The following CRYBG1 variants were observed in gnomAD, a reference collection of about 807,000 sequenced individuals.
CRYBG1 encodes beta/gamma crystallin domain-containing protein 1.
A neutral mutation model predicts 189.2 loss-of-function variants in CRYBG1; 139 were observed. The observed-to-expected ratio is 0.73, with a 90% CI of 0.64 to 0.85. The LOEUF (loss-of-function observed/expected upper bound fraction) is 0.85, where lower values mean the gene tolerates loss of function less well. CRYBG1 is among the 40% of genes least tolerant of loss of function. The pLI is 0.00. For missense variants in CRYBG1, 2,611 were observed against 2,675.8 expected (o/e 0.98, Z 0.53); for synonymous variants, 1,023 against 1,017.1 (o/e 1.01, Z -0.11).
chr6:106,434,345 C>CA (rs963866328), intron 1 of CRYBG1, among the ~76,000 whole-genome samples: 1 of 151,868 alleles, frequency 6.6e-6, no homozygotes, highest in African/African-American at 2.4e-5. Context: ...CAACAGTAGT[C>CA]AAAAAAATTA....
At chr6:106,489,376 G>T (rs1362282525) in intron 2 of CRYBG1, among the ~76,000 whole-genome samples, 1 of 151,928 alleles carries the variant, frequency 6.6e-6, no homozygotes, top group Non-Finnish European at 1.5e-5. Context: ...AGTGGGCCAA[G>T]GTCTTGATAA....
chr6:106,374,207 A>C (rs1770102227), intron 1 of CRYBG1, among the ~76,000 whole-genome samples: 1 of 152,140 alleles, frequency 6.6e-6, no homozygotes, highest in Non-Finnish European at 1.5e-5. Context: ...TTCACCATTA[A>C]AATGATAAAA....
intron 1 of CRYBG1, among the ~76,000 whole-genome samples, chr6:106,376,482 G>A (rs1770165206): frequency 6.6e-6 from 1 of 152,184 alleles, no homozygotes; most frequent in African/African-American, 2.4e-5. Context: ...CTGCCAGTGG[G>A]AAGCTTTGGA....
In CRYBG1 at chr6:106,551,917, C is replaced by A. The variant is rs771107453; in HGVS notation, c.5378C>A (p.Thr1793Asn). 1.2e-6 allele frequency: 2 copies of A among 1,611,210 alleles called. No homozygotes were observed. The highest frequency in any genetic ancestry group is 2.2e-5 in the South Asian group (2 of 90,970). ...EQYILDKGFYTSFEDWGGKNC... is the reference protein window; with the variant it reads ...EQYILDKGFYNSFEDWGGKNC... ...TATATACTGGATAAAGGATTTTATA[C>A]CAGTTTTGAGGACTGGGGAGGCAAA... The change falls in exon 14 of 22, where the codon ACC becomes AAC. Residue 1793 changes from threonine (T) to asparagine (N), a missense_variant. Physicochemically the swap from Thr to Asn is moderately conservative, Grantham distance 65 (BLOSUM62 0). Around this residue, in one of 3 missense-constraint regions of CRYBG1, gnomAD observed 1,622 missense variants for 1,735.0 expected, o/e 0.93. Transcript: ENST00000633556.
chr6:106,433,017 T>C (rs1582759573), intron 1 of CRYBG1, among the ~76,000 whole-genome samples: 1 of 152,006 alleles, frequency 6.6e-6, no homozygotes, highest in African/African-American at 2.4e-5. Flanking sequence ...TTGTTCATAT[T>C]TTTAGTAGAG....
chr6:106,411,379 A>G (rs928714558), intron 1 of CRYBG1, among the ~76,000 whole-genome samples: 15 of 152,204 alleles, frequency 9.9e-5, no homozygotes, highest in African/African-American at 3.4e-4. Flanking sequence ...GGGTTAACCT[A>G]GAGGCAGCTT....
chr6:106,480,250 G>C (rs1562080909), intron 2 of CRYBG1, among the ~76,000 whole-genome samples: 1 of 152,130 alleles, frequency 6.6e-6, no homozygotes, highest in Non-Finnish European at 1.5e-5. Context: ...CAGTATGATA[G>C]GGAAAAGTGA....
chr6:106,523,731 C>CTT (rs748406134), intron 4 of CRYBG1, among the ~76,000 whole-genome samples: 2,833 of 137,350 alleles, frequency 0.021, 107 homozygotes, highest in African/African-American at 0.073. Context: ...CCCTTATGGC[C>CTT]TTTTTTTTTT....
At chr6:106,389,183 A>G (rs576419309) in intron 1 of CRYBG1, among the ~76,000 whole-genome samples, 1 of 151,960 alleles carries the variant, frequency 6.6e-6, no homozygotes, top group Admixed American at 6.5e-5. Context: ...TTTTTGTTAT[A>G]TGATTTCTGT....
chr6:106,369,326 G>T (rs1356641509), intron 1 of CRYBG1, among the ~76,000 whole-genome samples: 1 of 152,212 alleles, frequency 6.6e-6, no homozygotes, highest in Non-Finnish European at 1.5e-5. Flanking sequence ...AGTAAAAGTA[G>T]GTTGGTGTTA....
chr6:106,527,235 C>T (rs1220643436), intron 6 of CRYBG1, 70 bp from the exon 7 acceptor site: 1 of 1,354,962 alleles, frequency 7.4e-7, no homozygotes, highest in African/African-American at 1.5e-5. Flanking sequence ...GGCAATTAGC[C>T]AGGTTATTTG....
At chr6:106,416,692 T>C (rs1461134360) in intron 1 of CRYBG1, among the ~76,000 whole-genome samples, 2 of 152,242 alleles carry the variant, frequency 1.3e-5, no homozygotes, top group African/African-American at 4.8e-5. Flanking sequence ...AGTGAAAAAC[T>C]AGAACCATCC....
intron 2 of CRYBG1, among the ~76,000 whole-genome samples, chr6:106,501,443 T>C (rs1773008576): frequency 6.6e-6 from 1 of 152,224 alleles, no homozygotes; most frequent in African/African-American, 2.4e-5. Flanking sequence ...TGTTAGAAAC[T>C]ACATCTGATA....
chr6:106,565,975 T>C (rs1355648957), intron 21 of CRYBG1, among the ~76,000 whole-genome samples: 1 of 152,186 alleles, frequency 6.6e-6, no homozygotes, highest in Admixed American at 6.5e-5. Flanking sequence ...TTAGAGAAAG[T>C]AGGGTATGTA....
intron 2 of CRYBG1, among the ~76,000 whole-genome samples, chr6:106,491,009 C>T (rs1772709938): frequency 6.6e-6 from 1 of 152,216 alleles, no homozygotes; most frequent in Non-Finnish European, 1.5e-5. Flanking sequence ...ACGAAGCCTC[C>T]TCTTGCAAGA....
intron 1 of CRYBG1, among the ~76,000 whole-genome samples, chr6:106,393,358 C>T (rs960506112): frequency 8.5e-5 from 13 of 152,120 alleles, no homozygotes; most frequent in African/African-American, 2.4e-4. Context: ...AGTATGCACC[C>T]GTGCAGCCTC....
intron 1 of CRYBG1, among the ~76,000 whole-genome samples, chr6:106,440,902 C>T (rs1364236253): frequency 6.6e-6 from 1 of 152,134 alleles, no homozygotes; most frequent in Non-Finnish European, 1.5e-5. Flanking sequence ...CATTTTATTG[C>T]TTTCTTTTTC....
intron 1 of CRYBG1, among the ~76,000 whole-genome samples, chr6:106,411,673 A>G (rs755009419): frequency 2.0e-5 from 3 of 152,138 alleles, no homozygotes; most frequent in Non-Finnish European, 4.4e-5. Context: ...AAGTCCCACA[A>G]TAGGCTGTCT....
At chr6:106,403,907 T>G (rs1018290294) in intron 1 of CRYBG1, among the ~76,000 whole-genome samples, 7 of 152,222 alleles carry the variant, frequency 4.6e-5, no homozygotes, top group Admixed American at 3.3e-4. Context: ...TCTAGAGAGA[T>G]GCTAGGAATT....
Sources: allele counts gnomAD v4.1 joint callset (sites outside exome capture counted in the v4.1 genomes callset), GRCh38; gene constraint gnomAD v4.1.1; regional missense constraint gnomAD v4.1.1; transcripts MANE v1.5; gene names NCBI Gene and HGNC (gene_info 2026-07-23, HGNC 2026-07-21).